IL1RAPL2: variants seen among roughly 807,000 people sequenced by gnomAD.
IL1RAPL2 encodes X-linked interleukin-1 receptor accessory protein-like 2.
In IL1RAPL2, 3 loss-of-function variants were observed where a neutral mutation model predicts 44.1. The observed-to-expected ratio is 0.07, with a 90% CI of 0.03 to 0.18. The LOEUF (loss-of-function observed/expected upper bound fraction) is 0.18. Among genes scored for constraint, IL1RAPL2 ranks in the 10% least tolerant of loss-of-function variants. IL1RAPL2 has a pLI of 1.00. For missense variants in IL1RAPL2, 391 were observed against 496.4 expected (o/e 0.79, Z 2.02); for synonymous variants, 181 against 178.8 (o/e 1.01, Z -0.10).
chrX:104,887,541 A>G (rs991193775), intron 2 of IL1RAPL2, among the ~76,000 whole-genome samples: 2 of 111,431 alleles, frequency 1.8e-5, no homozygotes, highest in African/African-American at 6.5e-5. Context: ...TGGACTACTC[A>G]TGACGTAAAT....
chrX:105,577,361 C>G (rs1035525341), intron 6 of IL1RAPL2, among the ~76,000 whole-genome samples: 2 of 110,913 alleles, frequency 1.8e-5, no homozygotes, highest in African/African-American at 6.5e-5. Context: ...CCTTATAACT[C>G]TAAAGTCACA....
chrX:104,805,241 T>C (rs187942372), intron 2 of IL1RAPL2, among the ~76,000 whole-genome samples: 1 of 111,763 alleles, frequency 8.9e-6, no homozygotes, highest in Admixed American at 9.5e-5. Flanking sequence ...AGTGTTCCAT[T>C]ATTGGAACGC....
At chrX:105,187,447 A>G (rs1349141103) in intron 2 of IL1RAPL2, among the ~76,000 whole-genome samples, 1 of 111,742 alleles carries the variant, frequency 8.9e-6, no homozygotes, top group Non-Finnish European at 1.9e-5. Flanking sequence ...TATTAAAAAA[A>G]AACAGATTGT....
intron 2 of IL1RAPL2, among the ~76,000 whole-genome samples, chrX:104,761,923 C>CCTTCTTCTT (rs759437149): frequency 4.9e-4 from 15 of 30,809 alleles, no homozygotes; most frequent in East Asian, 9.0e-4. Context: ...TTCTCCTTCT[C>CCTTCTTCTT]CTTCTTCTTC....
intron 10 of IL1RAPL2, among the ~76,000 whole-genome samples, chrX:105,759,290 G>A (rs1004834132): frequency 4.5e-5 from 5 of 111,959 alleles, no homozygotes; most frequent in African/African-American, 1.6e-4. Context: ...GCTGAAAGGT[G>A]CATATGCAAT....
At chrX:105,566,259 A>G (rs1336068634) in intron 6 of IL1RAPL2, among the ~76,000 whole-genome samples, 1 of 111,386 alleles carries the variant, frequency 9.0e-6, no homozygotes, top group Non-Finnish European at 1.9e-5. Flanking sequence ...TGTGTGAGAG[A>G]GAGTCTTACA....
chrX:105,378,151 T>C (rs1026787452), intron 5 of IL1RAPL2, among the ~76,000 whole-genome samples: 1 of 111,443 alleles, frequency 9.0e-6, no homozygotes, highest in Admixed American at 9.6e-5. Context: ...AACTATTGGA[T>C]GATAACAAAT....
At chrX:105,474,765 T>C (rs2036187098) in intron 5 of IL1RAPL2, among the ~76,000 whole-genome samples, 2 of 111,782 alleles carry the variant, frequency 1.8e-5, no homozygotes, top group Admixed American at 1.9e-4. Context: ...ATCAGTTTAG[T>C]GAAGTGTTTA....
intron 5 of IL1RAPL2, among the ~76,000 whole-genome samples, chrX:105,368,586 A>T (rs1385921064): frequency 9.0e-6 from 1 of 111,689 alleles, no homozygotes; most frequent in African/African-American, 3.3e-5. Context: ...ATAACAATTC[A>T]CTTTTTCTTT....
intron 2 of IL1RAPL2, among the ~76,000 whole-genome samples, chrX:104,992,210 A>G (rs972014992): frequency 9.0e-6 from 1 of 111,353 alleles, no homozygotes; most frequent in African/African-American, 3.3e-5. Flanking sequence ...AAACAGCAGG[A>G]AACTACTGAA....
intron 2 of IL1RAPL2, among the ~76,000 whole-genome samples, chrX:104,826,572 G>A (rs892384853): frequency 9.0e-5 from 10 of 111,657 alleles, no homozygotes; most frequent in Non-Finnish European, 1.7e-4. Context: ...GTGGTGCTGA[G>A]AAGAATGTAT....
chrX:104,622,305 G>A (rs1037256897), intron 1 of IL1RAPL2, among the ~76,000 whole-genome samples: 1 of 106,401 alleles, frequency 9.4e-6, no homozygotes, highest in Non-Finnish European at 1.9e-5. Flanking sequence ...AACGGCAGAG[G>A]GTATATGAAT....
intron 2 of IL1RAPL2, among the ~76,000 whole-genome samples, chrX:105,103,783 C>T (rs1467124513): frequency 9.0e-6 from 1 of 111,436 alleles, no homozygotes. Context: ...ATTTGCTAAC[C>T]AGGACTAGCA....
chrX:105,578,212 C>T (rs1176324870), intron 6 of IL1RAPL2, among the ~76,000 whole-genome samples: 1 of 110,520 alleles, frequency 9.0e-6, no homozygotes, highest in Non-Finnish European at 1.9e-5. Flanking sequence ...AGCTTCCATG[C>T]ACATGCTTAT....
chrX:104,714,175 G>A (rs1327685647), intron 2 of IL1RAPL2, among the ~76,000 whole-genome samples: 1 of 110,844 alleles, frequency 9.0e-6, no homozygotes, highest in East Asian at 2.9e-4. Flanking sequence ...TGGTGAGAGA[G>A]GGCATCCTGG....
At chrX:104,662,108 T>G in intron 2 of IL1RAPL2, among the ~76,000 whole-genome samples, 1 of 112,127 alleles carries the variant, frequency 8.9e-6, no homozygotes, top group Non-Finnish European at 1.9e-5. Context: ...TAGTAACAGA[T>G]GTGAGTTAGG....
chrX:104,967,998 A>G (rs2030160051), intron 2 of IL1RAPL2, among the ~76,000 whole-genome samples: 1 of 111,783 alleles, frequency 8.9e-6, no homozygotes, highest in African/African-American at 3.2e-5. Context: ...TCAAGTTCAT[A>G]TAAACTCTCC....
At chrX:105,601,118 A>T (rs918589176) in intron 6 of IL1RAPL2, among the ~76,000 whole-genome samples, 2 of 111,059 alleles carry the variant, frequency 1.8e-5, no homozygotes, top group African/African-American at 6.5e-5. Flanking sequence ...TGTTTTTTTT[A>T]AATTGAATTC....
At chrX:105,179,212 A>G (rs1395883742) in intron 2 of IL1RAPL2, among the ~76,000 whole-genome samples, 1 of 112,053 alleles carries the variant, frequency 8.9e-6, no homozygotes, top group Non-Finnish European at 1.9e-5. Context: ...GCATGTGGCT[A>G]TCCAATTTTC....
Sources: allele counts gnomAD v4.1 joint callset (sites outside exome capture counted in the v4.1 genomes callset), GRCh38; gene constraint gnomAD v4.1.1; transcripts MANE v1.5; gene names NCBI Gene and HGNC (gene_info 2026-07-23, HGNC 2026-07-21).